CSMD1: variants seen among roughly 807,000 people sequenced by gnomAD.
CSMD1 encodes the protein CUB and sushi domain-containing protein 1.
In CSMD1, 213 loss-of-function variants were observed where a neutral mutation model predicts 417.5. That is an observed-to-expected ratio of 0.51 (90% CI 0.46 to 0.57). The LOEUF (loss-of-function observed/expected upper bound fraction) is 0.57, where lower values mean the gene tolerates loss of function less well. Ranked by LOEUF, CSMD1 falls within the 20% of genes least tolerant of loss-of-function variation. The probability of loss-of-function intolerance (pLI) is 0.00; values close to 1 mark genes in which losing one functional copy is unlikely to be tolerated. For synonymous variants in CSMD1, 2,862 were observed against 1,736.8 expected, an observed-to-expected ratio of 1.65 and a Z score of -16.11; for missense variants, 6,923 against 4,529.7, an observed-to-expected ratio of 1.53 and a Z score of -15.17.
In CSMD1 at chr8:3,024,804, G is replaced by A. The variant is rs149861147; in HGVS notation, c.7855+4515C>T. Among the ~76,000 whole-genome samples, 4 of 152,274 alleles carry A rather than the reference G, an allele frequency of 2.6e-5. No homozygotes were observed. In the East Asian group the frequency reaches 7.7e-4, roughly 29 times the overall value. On this transcript the variant is annotated intron_variant, in intron 51 of 69. Transcript: ENST00000635120. ...AATAAAATCAAGAATATTGAATATT[G>A]CACTAAAGCTGGTTGTGAAACATAC...
chr8:4,056,331 C>T (rs1798688689), intron 3 of CSMD1, among the ~76,000 whole-genome samples: 3 of 151,502 alleles, frequency 2.0e-5, no homozygotes, highest in Admixed American at 1.3e-4. Flanking sequence ...GATCCACCCG[C>T]GTCAGCCTCC....
intron 5 of CSMD1, among the ~76,000 whole-genome samples, chr8:3,884,365 G>T (rs777046202): frequency 1.3e-5 from 2 of 152,192 alleles, no homozygotes; most frequent in African/African-American, 2.4e-5. Flanking sequence ...CTAGAGAACT[G>T]TTAGTGACAT....
intron 7 of CSMD1, among the ~76,000 whole-genome samples, chr8:3,656,353 G>A (rs4875769): frequency 0.35 from 53,329 of 152,038 alleles, 9,819 homozygotes; most frequent in African/African-American, 0.45. Context: ...GCTTTCCAGC[G>A]CGGCTGTTTA....
intron 3 of CSMD1, among the ~76,000 whole-genome samples, chr8:4,092,001 C>G (rs967476601): frequency 2.0e-5 from 3 of 152,212 alleles, no homozygotes; most frequent in Admixed American, 6.5e-5. Context: ...AAAAGTGAAG[C>G]TACTTTTACA....
intron 3 of CSMD1, among the ~76,000 whole-genome samples, chr8:4,298,098 G>T (rs561933516): frequency 1.1e-4 from 16 of 152,124 alleles, no homozygotes; most frequent in Admixed American, 3.3e-4. Flanking sequence ...AGGGTATAAA[G>T]GACCTGGAGA....
chr8:3,187,831 T>C (rs540699804), intron 36 of CSMD1, 38 bp downstream of exon 36: 6 of 1,501,420 alleles, frequency 4.0e-6, no homozygotes, highest in Non-Finnish European at 5.5e-6. Context: ...GTTTGCAGAT[T>C]TTGAGTCACA....
Position 4,733,006 on chromosome 8 carries a change from A to G in CSMD1, c.86-95448T>C, listed in dbSNP as rs563977802. ...ATCTCTAGGGCTACGCTCCTCTTTC[A>G]TTTGCACGGTTTCTTTGGAAAAAAA... On this transcript the variant is annotated intron_variant, in intron 1 of 69. Coordinates refer to ENST00000635120, the MANE Select transcript of CSMD1 (RefSeq NM_033225.6). Among the ~76,000 whole-genome samples, 3 of 144,614 alleles carry G rather than the reference A, an allele frequency of 2.1e-5. No homozygotes were observed. In the East Asian group the frequency reaches 6.0e-4, roughly 29 times the overall value. The allele number at this position is 144,614 out of a possible 152,430, so 94.9% of individuals were successfully genotyped here.
chr8:4,130,531 G>C (rs1585381077), intron 3 of CSMD1, among the ~76,000 whole-genome samples: 1 of 152,056 alleles, frequency 6.6e-6, no homozygotes, highest in African/African-American at 2.4e-5. Context: ...TTTGCATTAG[G>C]ATTCTTCTTT....
rs943602395 is a variant in CSMD1 at position 4,070,421 on chromosome 8, G to A, written c.416-38322C>T. ...CGCCCAGGCTGGAGTGCAGTGGTGG[G>A]ATCTCGGCTCACTGCAAGCTCCGCC... On this transcript the variant is annotated intron_variant, in intron 3 of 69. Transcript: ENST00000635120. Among the ~76,000 whole-genome samples the A allele has an allele frequency of 1.3e-4, 19 of 151,732 alleles. 1 individual carries two copies. Among genetic ancestry groups the A allele is most frequent in the Admixed American group, 8.5e-4 (13 of 15,228 alleles).
At chr8:4,476,387 G>A in intron 2 of CSMD1, among the ~76,000 whole-genome samples, 1 of 152,044 alleles carries the variant, frequency 6.6e-6, no homozygotes, top group Non-Finnish European at 1.5e-5. Flanking sequence ...TTACATTTTG[G>A]AATTTTGGTA....
At chr8:3,877,036 T>G (rs979472337) in intron 5 of CSMD1, among the ~76,000 whole-genome samples, 1 of 152,226 alleles carries the variant, frequency 6.6e-6, no homozygotes, top group Non-Finnish European at 1.5e-5. Flanking sequence ...TCATTTCGTA[T>G]AGTGTTTTTT....
At chr8:4,038,575 T>C (rs1320088385) in intron 3 of CSMD1, among the ~76,000 whole-genome samples, 1 of 152,360 alleles carries the variant, frequency 6.6e-6, no homozygotes, top group South Asian at 2.1e-4. Flanking sequence ...TGTCTCTTTG[T>C]GACTCCCAGA....
chr8:4,437,446 A>G (rs1445847905), intron 2 of CSMD1, among the ~76,000 whole-genome samples: 1 of 152,188 alleles, frequency 6.6e-6, no homozygotes, highest in African/African-American at 2.4e-5. Context: ...GTAAAATCAG[A>G]AACATTCACC....
chr8:3,623,702 G>T (rs144496250), intron 7 of CSMD1, among the ~76,000 whole-genome samples: 1 of 152,266 alleles, frequency 6.6e-6, no homozygotes, highest in South Asian at 2.1e-4. Flanking sequence ...AGGGCCGGGC[G>T]TGGGGGCTCA....
chr8:4,978,394 C>G (rs759759323), intron 1 of CSMD1, among the ~76,000 whole-genome samples: 3 of 152,086 alleles, frequency 2.0e-5, no homozygotes, highest in Admixed American at 6.5e-5. Context: ...TTATTAAGCC[C>G]TCTATGTTTA....
chr8:4,766,684 G>T (rs1352247669), intron 1 of CSMD1, among the ~76,000 whole-genome samples: 2 of 152,110 alleles, frequency 1.3e-5, no homozygotes, highest in Non-Finnish European at 2.9e-5. Flanking sequence ...GGCTCCTGAG[G>T]GAATGAACTC....
chr8:3,873,136 C>T (rs1273105756), intron 5 of CSMD1, among the ~76,000 whole-genome samples: 1 of 151,952 alleles, frequency 6.6e-6, no homozygotes, highest in Non-Finnish European at 1.5e-5. Context: ...ATTGAGGAAA[C>T]TAGTATGATG....
chr8:3,174,931 G>C lies in CSMD1; in HGVS notation c.5725+6179C>G, dbSNP rs558478026. ...GTTTGACTATGTATTTTTTGAGTGA[G>C]ATCTTATTTGTTCATGACATATTTT... On this transcript the variant is annotated intron_variant, in intron 37 of 69. Coordinates refer to ENST00000635120, the MANE Select transcript of CSMD1 (RefSeq NM_033225.6). Among the ~76,000 whole-genome samples the C allele has an allele frequency of 3.3e-5, 5 of 151,934 alleles. No individual in the cohort carries two copies. The East Asian group carries it at 5.8e-4, about 18-fold the overall frequency.
intron 1 of CSMD1, among the ~76,000 whole-genome samples, chr8:4,778,593 G>A (rs1054507522): frequency 6.6e-5 from 10 of 152,198 alleles, no homozygotes; most frequent in Non-Finnish European, 1.3e-4. Flanking sequence ...CCGTGAGAGG[G>A]AGGTCATGTG....
Sources: allele counts gnomAD v4.1 joint callset (sites outside exome capture counted in the v4.1 genomes callset), GRCh38; gene constraint gnomAD v4.1.1; transcripts MANE v1.5; gene names NCBI Gene and HGNC (gene_info 2026-07-23, HGNC 2026-07-21).